MEGF10: variants seen among roughly 807,000 people sequenced by gnomAD.
The protein encoded by MEGF10 is multiple epidermal growth factor-like domains protein 10.
MEGF10 carries 86 observed loss-of-function variants against 147.5 expected under a neutral mutation model. The observed-to-expected ratio is 0.58, with a 90% CI of 0.49 to 0.70. The LOEUF (loss-of-function observed/expected upper bound fraction) is 0.70. Among genes scored for constraint, MEGF10 ranks in the 30% least tolerant of loss-of-function variants. The probability of loss-of-function intolerance (pLI) is 0.00; values close to 1 mark genes in which losing one functional copy is unlikely to be tolerated. For synonymous variants in MEGF10, 478 were observed against 525.5 expected (o/e 0.91, Z 1.24); for missense variants, 1,329 against 1,487.3 (o/e 0.89, Z 1.75).
At chr5:127,358,382 T>G (rs1488834379) in intron 4 of MEGF10, among the ~76,000 whole-genome samples, 1 of 152,214 alleles carries the variant, frequency 6.6e-6, no homozygotes, top group African/African-American at 2.4e-5. Context: ...GCCTTTATTA[T>G]TCATATGTGA....
chr5:127,455,427 T>C lies in MEGF10; in HGVS notation c.3052T>C (p.Ser1018Pro). ...KDLGKNSEYN[S>P]SNCSLSSSEN... ...CCTGGGAAAGAATTCTGAATATAAT[T>C]CAAGTAACTGCTCCCTAAGCAGTTC... is the stretch of plus-strand genomic sequence containing the variant. Residue 1018 changes from serine to proline, a missense_variant, in exon 24 of 25, where the codon TCA becomes CCA. Coordinates refer to ENST00000503335, the MANE Select transcript of MEGF10 (RefSeq NM_001256545.2). 1 of 1,614,118 alleles carries C rather than the reference T, an allele frequency of 6.2e-7. No homozygotes were observed. Among genetic ancestry groups the C allele is most frequent in the Non-Finnish European group, 8.5e-7 (1 of 1,179,994 alleles).
intron 5 of MEGF10, among the ~76,000 whole-genome samples, chr5:127,390,260 C>T (rs1040728776): frequency 2.0e-5 from 3 of 151,832 alleles, no homozygotes; most frequent in South Asian, 2.1e-4. Flanking sequence ...CAGGTTCATT[C>T]TGATATATTG....
At chr5:127,234,962 G>A in the MEGF10 span, among the ~76,000 whole-genome samples, 1 of 151,928 alleles carries the variant, frequency 6.6e-6, no homozygotes, top group Non-Finnish European at 1.5e-5. Flanking sequence ...CCCTGCCTCA[G>A]CCTGCCGAGT....
At position 127,410,561 on chromosome 5, in the gene MEGF10, T is replaced by A. The variant is rs1764518270; in HGVS notation, c.1090T>A (p.Cys364Ser). The change falls in exon 9 of 25, where the codon TGT (cysteine) becomes AGT (serine). Residue 364 changes from cysteine to serine, a missense_variant. By Grantham distance (112) the Cys-to-Ser change is moderately radical. Coordinates refer to ENST00000503335, the MANE Select transcript of MEGF10 (RefSeq NM_001256545.2). Reference sequence around the variant, plus strand: ...TCCTGAGGGGCTCTACGGCATCAAATGTGACAAACGGTGTCCCTGCCACCT... The same window carrying A: ...TCCTGAGGGGCTCTACGGCATCAAAAGTGACAAACGGTGTCCCTGCCACCT... The part of the protein sequence containing the change: ...LCPEGLYGIK[C>S]DKRCPCHLEN... 9.3e-6 allele frequency: 15 copies of A among 1,611,548 alleles called. No homozygotes were observed. Among genetic ancestry groups the A allele is most frequent in the Non-Finnish European group, 1.3e-5 (15 of 1,179,912 alleles).
the MEGF10 span, among the ~76,000 whole-genome samples, chr5:127,250,535 T>C: frequency 6.6e-6 from 1 of 151,970 alleles, no homozygotes; most frequent in Non-Finnish European, 1.5e-5. Context: ...AAGATTAGCA[T>C]AAAACAAGAA....
At chr5:127,342,098 T>C (rs1183529615) in intron 4 of MEGF10, among the ~76,000 whole-genome samples, 1 of 152,238 alleles carries the variant, frequency 6.6e-6, no homozygotes, top group African/African-American at 2.4e-5. Context: ...TGCATTTCTT[T>C]GATTAATAAT....
At chr5:127,285,582 T>C in the MEGF10 span, among the ~76,000 whole-genome samples, 8 of 152,192 alleles carry the variant, frequency 5.3e-5, no homozygotes, top group East Asian at 1.5e-3. Context: ...TGATGAACAG[T>C]GTCAACTAAT....
the MEGF10 span, among the ~76,000 whole-genome samples, chr5:127,235,690 T>C: frequency 6.6e-6 from 1 of 152,194 alleles, no homozygotes; most frequent in Non-Finnish European, 1.5e-5. Flanking sequence ...TGACAATTGA[T>C]TTTGGTACCT....
chr5:127,447,822 C>A, intron 21 of MEGF10, 138 bp downstream of exon 21: 1 of 1,121,090 alleles, frequency 8.9e-7, no homozygotes. Flanking sequence ...TCTAAACAGT[C>A]CTCTGAGTGT....
At position 127,429,013 on chromosome 5, in the gene MEGF10, C is replaced by T. The variant is rs539490965; in HGVS notation, c.1694-4350C>T. ...TATCAAAGAGCTCTTTGTTCTCAGT[C>T]GTGGCAAAAACAGTCCCTTACAGAT... On this transcript the variant is annotated intron_variant, in intron 13 of 24. Transcript: ENST00000503335. Among the ~76,000 whole-genome samples, 25 of 152,302 alleles carry T rather than the reference C, an allele frequency of 1.6e-4. 2 individuals are homozygous for T. Among genetic ancestry groups the T allele is most frequent in the African/African-American group, 5.3e-4 (22 of 41,572 alleles).
chr5:127,264,802 TA>T, the MEGF10 span, among the ~76,000 whole-genome samples: 2 of 152,294 alleles, frequency 1.3e-5, no homozygotes, highest in East Asian at 3.9e-4. Flanking sequence ...AACTCTTTTT[TA>T]AAATTTCCAA....
At chr5:127,266,958 GT>G in the MEGF10 span, among the ~76,000 whole-genome samples, 11 of 152,148 alleles carry the variant, frequency 7.2e-5, no homozygotes, top group African/African-American at 2.7e-4. Context: ...CCAACACTAT[GT>G]TGAATAGGAG....
intron 8 of MEGF10, among the ~76,000 whole-genome samples, chr5:127,409,143 T>G (rs918265354): frequency 1.3e-5 from 2 of 152,232 alleles, no homozygotes; most frequent in African/African-American, 2.4e-5. Flanking sequence ...TATTGTTACT[T>G]GTTGCACCCT....
the MEGF10 span, among the ~76,000 whole-genome samples, chr5:127,250,215 T>C: frequency 6.6e-6 from 1 of 152,036 alleles, no homozygotes; most frequent in African/African-American, 2.4e-5. Flanking sequence ...AAAAAAACTT[T>C]CATAAGAAAG....
chr5:127,306,071 G>A (rs1360267252), intron 1 of MEGF10, among the ~76,000 whole-genome samples: 1 of 152,190 alleles, frequency 6.6e-6, no homozygotes, highest in African/African-American at 2.4e-5. Context: ...CCCAAGGAAG[G>A]TTTCTTGTAG....
intron 8 of MEGF10, among the ~76,000 whole-genome samples, chr5:127,407,174 C>G (rs1764364872): frequency 6.6e-6 from 1 of 152,100 alleles, no homozygotes; most frequent in Admixed American, 6.6e-5. Context: ...TGGCTCTTTC[C>G]CAGTGCTTTT....
intron 12 of MEGF10, among the ~76,000 whole-genome samples, chr5:127,422,256 C>T (rs1013726018): frequency 6.6e-6 from 1 of 152,112 alleles, no homozygotes; most frequent in Non-Finnish European, 1.5e-5. Flanking sequence ...TGCGGTGGCT[C>T]ACGCCTGTAA....
At chr5:127,326,792 C>T (rs1561572984) in intron 1 of MEGF10, among the ~76,000 whole-genome samples, 4 of 151,990 alleles carry the variant, frequency 2.6e-5, no homozygotes, top group Non-Finnish European at 2.9e-5. Context: ...AGAATCTTAG[C>T]GATATGTGAG....
chr5:127,358,892 C>T (rs1273624093), intron 4 of MEGF10, among the ~76,000 whole-genome samples: 1 of 152,130 alleles, frequency 6.6e-6, no homozygotes, highest in Non-Finnish European at 1.5e-5. Flanking sequence ...TAGAGACACA[C>T]TGTGAGAGTT....
Sources: allele counts gnomAD v4.1 joint callset (sites outside exome capture counted in the v4.1 genomes callset), GRCh38; gene constraint gnomAD v4.1.1; transcripts MANE v1.5; gene names NCBI Gene and HGNC (gene_info 2026-07-23, HGNC 2026-07-21).